The following SPON1 variants were observed in gnomAD, a reference collection of about 807,000 sequenced individuals.
SPON1 encodes spondin-1.
In SPON1, 52 loss-of-function variants were observed where a neutral mutation model predicts 111.7. That is an observed-to-expected ratio of 0.47 (90% CI 0.37 to 0.59). The LOEUF (loss-of-function observed/expected upper bound fraction) is 0.59, where lower values mean the gene tolerates loss of function less well. Among genes scored for constraint, SPON1 ranks in the 20% least tolerant of loss-of-function variants. The pLI is 0.00. For synonymous variants in SPON1, 410 were observed against 395.8 expected (o/e 1.04, Z -0.43); for missense variants, 957 against 1,068.5 (o/e 0.90, Z 1.46).
chr11:14,111,711 A>T (rs1554925467), intron 5 of SPON1, among the ~76,000 whole-genome samples: 1 of 152,196 alleles, frequency 6.6e-6, no homozygotes, highest in Non-Finnish European at 1.5e-5. Flanking sequence ...CATTCCTGCC[A>T]AACATCCTCC....
intron 2 of SPON1, among the ~76,000 whole-genome samples, chr11:14,009,678 A>C (rs1848389698): frequency 6.6e-6 from 1 of 152,242 alleles, no homozygotes; most frequent in Non-Finnish European, 1.5e-5. Context: ...TACAAACAAC[A>C]GAATTTATTG....
At chr11:14,142,354 G>A (rs1847666277) in intron 6 of SPON1, among the ~76,000 whole-genome samples, 1 of 152,122 alleles carries the variant, frequency 6.6e-6, no homozygotes, top group Non-Finnish European at 1.5e-5. Context: ...AGAGGATGAG[G>A]CCACAACTCC....
At chr11:13,975,583 A>G (rs1848096704) in intron 1 of SPON1, among the ~76,000 whole-genome samples, 1 of 152,150 alleles carries the variant, frequency 6.6e-6, no homozygotes, top group African/African-American at 2.4e-5. Context: ...GGTGAGAGGT[A>G]TTCCAGAAAA....
intron 6 of SPON1, among the ~76,000 whole-genome samples, chr11:14,199,439 T>C (rs1246307628): frequency 2.6e-5 from 4 of 151,536 alleles, no homozygotes; most frequent in Non-Finnish European, 5.9e-5. Flanking sequence ...TCCCAAAATA[T>C]CCATCTCTCC....
rs145548471 is a variant in SPON1, at chr11:14,156,635, A to G, written c.825+21067A>G. Among the ~76,000 whole-genome samples, 1,280 of 152,154 alleles carry G rather than the reference A, an allele frequency of 8.4e-3. 14 individuals are homozygous for G. Among genetic ancestry groups the G allele is most frequent in the African/African-American group, 0.029 (1,194 of 41,492 alleles). ...GGGTTTTTATGGTTTTAGGTCTAAC[A>G]TGTAAGTCTTTAATCCATCTTGAAG... On this transcript the variant is annotated intron_variant, in intron 6 of 15. Coordinates refer to ENST00000576479, the MANE Select transcript of SPON1 (RefSeq NM_006108.4).
At chr11:14,057,672 T>C (rs1180421936) in intron 3 of SPON1, among the ~76,000 whole-genome samples, 3 of 152,014 alleles carry the variant, frequency 2.0e-5, no homozygotes, top group African/African-American at 4.8e-5. Flanking sequence ...CTTGTAAGTT[T>C]TCTTTAAGGT....
intron 6 of SPON1, among the ~76,000 whole-genome samples, chr11:14,147,747 A>G (rs10832200): frequency 0.39 from 57,930 of 149,314 alleles, 11,506 homozygotes; most frequent in East Asian, 0.54. Context: ...GGAAAATACT[A>G]AGACTTTTTT....
Position 14,257,678 on chromosome 11 carries a change from T to C in SPON1, c.1310-38T>C, listed in dbSNP as rs539548590. 1.5e-4 allele frequency: 226 copies of C among 1,553,412 alleles called. No individual in the cohort carries two copies. In the East Asian group the frequency reaches 3.8e-3, roughly 26 times the overall value. On this transcript the variant is annotated intron_variant, in intron 10 of 15. Transcript: ENST00000576479. Reference sequence around the variant, plus strand: ...GGGAGAGGGCCAGTGGCAGCTCCCATAGGTTCCCAGGGAAAACATGTCAAA... The same window carrying C: ...GGGAGAGGGCCAGTGGCAGCTCCCACAGGTTCCCAGGGAAAACATGTCAAA...
At chr11:14,069,206 T>C (rs2133826974) in intron 3 of SPON1, among the ~76,000 whole-genome samples, 1 of 152,298 alleles carries the variant, frequency 6.6e-6, no homozygotes, top group East Asian at 1.9e-4. Flanking sequence ...TCTATCTCAG[T>C]TTTCTCATCT....
At chr11:14,107,468 T>C (rs1295680025) in intron 5 of SPON1, among the ~76,000 whole-genome samples, 1 of 151,942 alleles carries the variant, frequency 6.6e-6, no homozygotes, top group Non-Finnish European at 1.5e-5. Flanking sequence ...CCATCTTTGG[T>C]CCGTTGACTG....
At chr11:14,175,598 A>G (rs917186845) in intron 6 of SPON1, among the ~76,000 whole-genome samples, 5 of 152,160 alleles carry the variant, frequency 3.3e-5, no homozygotes, top group Admixed American at 6.5e-5. Flanking sequence ...CCTTTTTTCT[A>G]TTAATCAAAC....
At position 14,058,671 on chromosome 11, in the gene SPON1, C is replaced by T. The variant is rs573106750; in HGVS notation, c.480-16674C>T. ...GTTCCTCTTTTTCTGTACTTTCCTT[C>T]TCTTCTTTATCGCTTCCTTTGCCAA... On this transcript the variant is annotated intron_variant, in intron 3 of 15. Coordinates refer to ENST00000576479, the MANE Select transcript of SPON1 (RefSeq NM_006108.4). Among the ~76,000 whole-genome samples the T allele has an allele frequency of 4.6e-5, 7 of 152,336 alleles. No individual in the cohort carries two copies. In the South Asian group the frequency reaches 1.4e-3, roughly 32 times the overall value.
At chr11:14,241,249 G>T (rs1176563112) in intron 6 of SPON1, among the ~76,000 whole-genome samples, 1 of 152,124 alleles carries the variant, frequency 6.6e-6, no homozygotes, top group African/African-American at 2.4e-5. Context: ...TCCACAATGT[G>T]TGTATTATTC....
At chr11:14,179,808 T>C (rs1848218585) in intron 6 of SPON1, among the ~76,000 whole-genome samples, 1 of 151,586 alleles carries the variant, frequency 6.6e-6, no homozygotes, top group Non-Finnish European at 1.5e-5. Flanking sequence ...AAAAAAAAAA[T>C]CTCCTTTATG....
intron 7 of SPON1, among the ~76,000 whole-genome samples, chr11:14,252,880 C>A (rs1344859559): frequency 6.6e-6 from 1 of 152,248 alleles, no homozygotes; most frequent in Non-Finnish European, 1.5e-5. Context: ...TACCCCAAGT[C>A]TCTAATTCAG....
At position 14,079,966 on chromosome 11, in the gene SPON1, C is replaced by T; in HGVS notation, c.621C>T (p.Tyr207=). The T allele has an allele frequency of 6.2e-7, 1 of 1,613,944 alleles. No homozygotes were observed. Among genetic ancestry groups the T allele is most frequent in the Middle Eastern group, 1.6e-4 (1 of 6,062 alleles). ...LDCCACGTAK[Y]RLTFYGNWSE... The stretch of plus-strand genomic sequence containing the variant: ...GCTGTGCCTGCGGAACTGCCAAGTA[C>T]AGACTCACATTTTATGGGAATTGGT... The change falls in exon 5 of 16, where the codon TAC becomes TAT. Residue 207 remains tyrosine (Y), a synonymous_variant. Transcript: ENST00000576479.
At chr11:14,152,301 C>T (rs1847797465) in intron 6 of SPON1, among the ~76,000 whole-genome samples, 1 of 152,224 alleles carries the variant, frequency 6.6e-6, no homozygotes, top group South Asian at 2.1e-4. Flanking sequence ...CAAACTACAA[C>T]CTATTTCCCA....
intron 3 of SPON1, 142 bp downstream of exon 3, chr11:14,041,796 C>CAATG: frequency 1.2e-6 from 1 of 837,576 alleles, no homozygotes; most frequent in Non-Finnish European, 1.8e-6. Flanking sequence ...TCAATAGCAC[C>CAATG]ATAGACTATC....
chr11:14,048,199 A>T (rs1178161334), intron 3 of SPON1, among the ~76,000 whole-genome samples: 1 of 152,146 alleles, frequency 6.6e-6, no homozygotes, highest in Non-Finnish European at 1.5e-5. Context: ...AGATCATGCC[A>T]TTGCACTCCA....
Sources: allele counts gnomAD v4.1 joint callset (sites outside exome capture counted in the v4.1 genomes callset), GRCh38; gene constraint gnomAD v4.1.1; transcripts MANE v1.5; gene names NCBI Gene and HGNC (gene_info 2026-07-23, HGNC 2026-07-21).